GLRA2: variants seen among roughly 807,000 people sequenced by gnomAD.
GLRA2 encodes glycine receptor alpha 2, also known as glycine receptor subunit alpha-2.
In GLRA2, 11 loss-of-function variants were observed where a neutral mutation model predicts 31.6. The ratio of observed to expected loss-of-function variants is 0.35; its 90% CI spans 0.22 to 0.58. The LOEUF is 0.58. Among genes scored for constraint, GLRA2 ranks in the 20% least tolerant of loss-of-function variants. The probability of loss-of-function intolerance (pLI) is 0.84; values close to 1 mark genes in which losing one functional copy is unlikely to be tolerated. For missense variants in GLRA2, 212 were observed against 351.8 expected, an observed-to-expected ratio of 0.60 and a Z score of 3.18; for synonymous variants, 132 against 134.0, an observed-to-expected ratio of 0.99 and a Z score of 0.10.
chrX:14,458,422 T>C, the GLRA2 span, among the ~76,000 whole-genome samples: 1 of 112,014 alleles, frequency 8.9e-6, no homozygotes. Flanking sequence ...GTATTTCTAG[T>C]TCTAGATCCC....
At chrX:14,606,487 T>C (rs1230344285) in intron 5 of GLRA2, among the ~76,000 whole-genome samples, 1 of 111,529 alleles carries the variant, frequency 9.0e-6, no homozygotes, top group Non-Finnish European at 1.9e-5. Context: ...TTGTGATGAG[T>C]GGGCCCATTT....
chrX:14,459,137 C>T, the GLRA2 span, among the ~76,000 whole-genome samples: 1 of 111,832 alleles, frequency 8.9e-6, no homozygotes, highest in South Asian at 3.7e-4. Flanking sequence ...GAAATCCTTT[C>T]CCCATTTCTT....
At chrX:14,650,349 C>T (rs951693203) in intron 7 of GLRA2, among the ~76,000 whole-genome samples, 9 of 108,918 alleles carry the variant, frequency 8.3e-5, no homozygotes, top group Non-Finnish European at 1.5e-4. Context: ...TCATGGTGTG[C>T]AAATTAAGTT....
the GLRA2 span, among the ~76,000 whole-genome samples, chrX:14,463,548 T>C: frequency 9.0e-6 from 1 of 111,142 alleles, no homozygotes; most frequent in African/African-American, 3.3e-5. Flanking sequence ...ACTGTGAGCA[T>C]AGAACCGCCT....
intron 2 of GLRA2, among the ~76,000 whole-genome samples, chrX:14,539,493 G>T (rs1251525471): frequency 9.0e-6 from 1 of 111,537 alleles, no homozygotes; most frequent in Non-Finnish European, 1.9e-5. Context: ...GGCCTCAAAT[G>T]GATATTCTAA....
chrX:14,589,879 C>T (rs1352562199), intron 4 of GLRA2, among the ~76,000 whole-genome samples: 1 of 109,591 alleles, frequency 9.1e-6, no homozygotes. Flanking sequence ...GACCCTCCAA[C>T]TGTTAAGAGC....
intron 7 of GLRA2, among the ~76,000 whole-genome samples, chrX:14,668,820 GA>G (rs1569519195): frequency 9.0e-6 from 1 of 111,587 alleles, no homozygotes; most frequent in Non-Finnish European, 1.9e-5. Flanking sequence ...TTGGTGGGGA[GA>G]CAGCCAAACC....
intron 7 of GLRA2, among the ~76,000 whole-genome samples, chrX:14,662,395 C>A (rs2091000417): frequency 9.0e-6 from 1 of 111,466 alleles, no homozygotes; most frequent in East Asian, 2.8e-4. Context: ...ACATTAATTT[C>A]AGTATATATT....
chrX:14,637,566 C>G (rs2090723699), intron 7 of GLRA2, among the ~76,000 whole-genome samples: 1 of 112,096 alleles, frequency 8.9e-6, no homozygotes, highest in African/African-American at 3.2e-5. Context: ...TTTCCCACAG[C>G]TCATTTGGCA....
At chrX:14,524,880 C>A (rs2089182775), upstream of GLRA2, among the ~76,000 whole-genome samples, 1 of 110,525 alleles carries the variant, frequency 9.0e-6, no homozygotes, top group Non-Finnish European at 1.9e-5. Context: ...TAACAGCAAT[C>A]ACACGTAATG....
intron 7 of GLRA2, among the ~76,000 whole-genome samples, chrX:14,615,840 C>T (rs17215979): frequency 0.21 from 23,720 of 111,171 alleles, 2,185 homozygotes; most frequent in Non-Finnish European, 0.3. Context: ...TTCCTATCTT[C>T]CTGCCAACCA....
the GLRA2 span, among the ~76,000 whole-genome samples, chrX:14,485,566 C>A: frequency 9.0e-6 from 1 of 111,598 alleles, no homozygotes; most frequent in Admixed American, 9.5e-5. Context: ...ACATATCCAT[C>A]ATCTCATATA....
At chrX:14,471,193 A>G in the GLRA2 span, among the ~76,000 whole-genome samples, 3 of 111,895 alleles carry the variant, frequency 2.7e-5, no homozygotes, top group Non-Finnish European at 5.6e-5. Context: ...TTGATTAAAC[A>G]CATTAATGAG....
At chrX:14,503,202 A>G in the GLRA2 span, among the ~76,000 whole-genome samples, 6 of 111,694 alleles carry the variant, frequency 5.4e-5, no homozygotes, top group African/African-American at 2.0e-4. Context: ...CTACAGAACA[A>G]GGCAGTTGCT....
chrX:14,477,411 A>C, the GLRA2 span, among the ~76,000 whole-genome samples: 1 of 111,991 alleles, frequency 8.9e-6, no homozygotes, highest in Non-Finnish European at 1.9e-5. Flanking sequence ...TTTGGCCAAA[A>C]TCATGGTCAA....
At chrX:14,729,641 T>G (rs1226444272) in intron 8 of GLRA2, among the ~76,000 whole-genome samples, 5 of 111,436 alleles carry the variant, frequency 4.5e-5, no homozygotes, top group Non-Finnish European at 9.4e-5. Flanking sequence ...ATAAATGAGA[T>G]GAACTAGAGG....
intron 7 of GLRA2, among the ~76,000 whole-genome samples, chrX:14,674,316 A>G (rs1406354037): frequency 8.9e-6 from 1 of 112,541 alleles, no homozygotes; most frequent in African/African-American, 3.2e-5. Flanking sequence ...GTGAATTTAA[A>G]GCAAAGCAAT....
intron 4 of GLRA2, among the ~76,000 whole-genome samples, chrX:14,596,451 G>T (rs2188931): frequency 0.078 from 8,584 of 109,981 alleles, 490 homozygotes; most frequent in African/African-American, 0.18. Context: ...TGTGACTGAA[G>T]CCCATGATTA....
intron 1 of GLRA2, chrX:14,530,890 AG>A: frequency 1.4e-6 from 1 of 735,218 alleles, no homozygotes; most frequent in Non-Finnish European, 1.7e-6. Flanking sequence ...TGGAAGACTG[AG>A]CAGAGACAGG....
Sources: gnomAD v4.1 joint callset for allele counts (sites outside exome capture counted in the v4.1 genomes callset) on GRCh38, gnomAD v4.1.1 for gene constraint, MANE v1.5 for transcripts, NCBI Gene and HGNC (gene_info 2026-07-23, HGNC 2026-07-21) for gene names.